The following CPS1 variants were observed in gnomAD, a reference collection of about 807,000 sequenced individuals.
The protein encoded by CPS1 is carbamoyl-phosphate synthase [ammonia], mitochondrial.
CPS1 carries 109 observed loss-of-function variants against 174.6 expected under a neutral mutation model. The observed-to-expected ratio is 0.62, with a 90% confidence interval of 0.53 to 0.73. The LOEUF (loss-of-function observed/expected upper bound fraction) is 0.73, where lower values mean the gene tolerates loss of function less well. Among genes scored for constraint, CPS1 ranks in the 30% least tolerant of loss-of-function variants. The pLI, the probability that CPS1 is intolerant of heterozygous loss-of-function variation, is 0.00. For missense variants in CPS1, 1,689 were observed against 1,821.9 expected, an observed-to-expected ratio of 0.93 and a Z score of 1.33; for synonymous variants, 637 against 632.0, an observed-to-expected ratio of 1.01 and a Z score of -0.12.
Position 210,536,569 on chromosome 2 carries a change from G to A in CPS1, c.4-20150G>A, listed in dbSNP as rs929622562. Among the ~76,000 whole-genome samples the A allele has an allele frequency of 2.6e-5, 4 of 151,910 alleles. No homozygotes were observed. In the East Asian group the frequency reaches 5.8e-4, roughly 22 times the overall value. ...CTACGATCTCCTAACCTCGTGATCC[G>A]CCCGCCTCGGCCTCCCAAAGTGCTG... On this transcript the variant is annotated intron_variant, in intron 1 of 38. Coordinates refer to the CPS1 transcript ENST00000430249.
intron 1 of CPS1, among the ~76,000 whole-genome samples, chr2:210,545,413 A>AT (rs1448055609): frequency 6.6e-6 from 1 of 151,840 alleles, no homozygotes; most frequent in East Asian, 2.0e-4. Context: ...GAGCCTTTAC[A>AT]TTTTTTCTCT....
Position 210,608,375 on chromosome 2 carries a change from T to C in CPS1, c.2207T>C (p.Phe736Ser), listed in dbSNP as rs1271178696. The change falls in exon 19 of 38, where the codon TTC becomes TCC. Residue 736 changes from phenylalanine to serine, a missense_variant. Transcript: ENST00000233072. Reference sequence around the variant, plus strand: ...TCTTTTTATAGCTACCCATTGGCATTCATTGCTGCAAAGATTGCCCTAGGA... The same window carrying C: ...TCTTTTTATAGCTACCCATTGGCATCCATTGCTGCAAAGATTGCCCTAGGA... ...ASKATGYPLA[F>S]IAAKIALGIP... 1.9e-6 allele frequency: 3 copies of C among 1,612,190 alleles called. No homozygotes were observed. The highest frequency in any genetic ancestry group is 1.7e-6 in the Non-Finnish European group (2 of 1,178,778).
At chr2:210,649,179 A>T (rs897949509) in intron 27 of CPS1, among the ~76,000 whole-genome samples, 22 of 152,250 alleles carry the variant, frequency 1.4e-4, no homozygotes, top group African/African-American at 5.3e-4. Flanking sequence ...ATGGAATTTG[A>T]GATGGGTTCC....
chr2:210,504,490 G>T (rs1337714094), intron 1 of CPS1, among the ~76,000 whole-genome samples: 1 of 152,164 alleles, frequency 6.6e-6, no homozygotes, highest in Non-Finnish European at 1.5e-5. Context: ...CCATTTTACA[G>T]ATGAAGAAAT....
chr2:210,676,285 G>A (rs1269652289), intron 36 of CPS1, among the ~76,000 whole-genome samples: 2 of 152,156 alleles, frequency 1.3e-5, no homozygotes, highest in African/African-American at 4.8e-5. Context: ...TACCTAATTG[G>A]TCATTCCTTG....
intron 21 of CPS1, among the ~76,000 whole-genome samples, chr2:210,620,933 C>G (rs894535316): frequency 3.3e-5 from 5 of 152,108 alleles, no homozygotes; most frequent in Admixed American, 3.3e-4. Flanking sequence ...CTTGCCCCCT[C>G]AGAACTCAGT....
Position 210,561,338 on chromosome 2 carries a change from A to C in CPS1, c.126+4479A>C, listed in dbSNP as rs892032714. On this transcript the variant is annotated intron_variant, in intron 1 of 37. Coordinates refer to ENST00000233072, the MANE Select transcript of CPS1 (RefSeq NM_001875.5). ...CCCAGCTTTGGGTCAGAAGCTAAGC[A>C]TTCTGGCTGTAGAACTGCCCAAGGG... is the stretch of plus-strand genomic sequence containing the variant. 7.2e-5 allele frequency among the ~76,000 whole-genome samples: 11 copies of C among 152,192 alleles called. 1 individual carries two copies. In the South Asian group the frequency reaches 1.9e-3, roughly 26 times the overall value.
In CPS1 at chr2:210,516,839, A is replaced by G. The variant is rs74612018; in HGVS notation, c.3+39073A>G. On this transcript the variant is annotated intron_variant, in intron 1 of 38. Coordinates refer to the CPS1 transcript ENST00000430249. ...CTTTTAAATGATAGACCCCAGCTATATAGTTAAGACTTCACTTTTTCTTTG... is the reference window on the plus strand; with the variant it reads ...CTTTTAAATGATAGACCCCAGCTATGTAGTTAAGACTTCACTTTTTCTTTG... Among the ~76,000 whole-genome samples the G allele has an allele frequency of 7.7e-3, 1,166 of 152,064 alleles. 10 individuals are homozygous for G. Among genetic ancestry groups the G allele is most frequent in the African/African-American group, 0.027 (1,103 of 41,530 alleles).
chr2:210,677,847 A>G (rs374968093), intron 37 of CPS1, 40 bp from the exon 38 acceptor site: 3 of 1,443,762 alleles, frequency 2.1e-6, no homozygotes, highest in East Asian at 2.3e-5. Context: ...ATTCACTTTT[A>G]TCTCATGGAG....
intron 24 of CPS1, among the ~76,000 whole-genome samples, chr2:210,641,391 G>A (rs969743289): frequency 1.3e-5 from 2 of 152,082 alleles, no homozygotes; most frequent in Non-Finnish European, 2.9e-5. Flanking sequence ...CTCCCAAAGT[G>A]CTGGTATTAC....
At chr2:210,503,329 C>T (rs1175401593) in intron 1 of CPS1, among the ~76,000 whole-genome samples, 2 of 152,170 alleles carry the variant, frequency 1.3e-5, no homozygotes, top group African/African-American at 2.4e-5. Flanking sequence ...TCCCAAAGCT[C>T]GAGGCCCAGA....
intron 31 of CPS1, 135 bp downstream of exon 31, chr2:210,658,823 G>A: frequency 1.4e-6 from 1 of 709,330 alleles, no homozygotes; most frequent in East Asian, 2.8e-5. Context: ...GTGTCTGAGT[G>A]TGGAATGATG....
chr2:210,493,281 G>C (rs1436546396), intron 1 of CPS1, among the ~76,000 whole-genome samples: 2 of 152,120 alleles, frequency 1.3e-5, no homozygotes, highest in African/African-American at 4.8e-5. Flanking sequence ...TTACAAATAG[G>C]AGAATAAATG....
At position 210,656,716 on chromosome 2, in the gene CPS1, A is replaced by G. The variant is rs1700720907; in HGVS notation, c.3666+84A>G. ...AGGTTTTTTTTTTTTTTTTAAAGCTAGGTAGCAATGTAAGATATGCTGCAG... is the reference window on the plus strand; with the variant it reads ...AGGTTTTTTTTTTTTTTTTAAAGCTGGGTAGCAATGTAAGATATGCTGCAG... On this transcript the variant is annotated intron_variant, in intron 30 of 37. Transcript: ENST00000233072. 3 of 938,394 alleles carry G rather than the reference A, an allele frequency of 3.2e-6. No individual in the cohort carries two copies. The East Asian group carries it at 7.6e-5, about 24-fold the overall frequency. The allele number at this position is 938,394 out of a possible 1,614,324, so 58.1% of individuals were successfully genotyped here.
intron 22 of CPS1, among the ~76,000 whole-genome samples, chr2:210,638,159 G>T (rs182688654): frequency 2.0e-5 from 3 of 152,334 alleles, no homozygotes; most frequent in Non-Finnish European, 4.4e-5. Flanking sequence ...TATGTAAGTA[G>T]TTAAGAAATC....
chr2:210,658,515 T>A (rs538747597), intron 30 of CPS1, 84 bp from the exon 31 acceptor site: 1 of 1,001,410 alleles, frequency 1.0e-6, no homozygotes, highest in East Asian at 2.5e-5. Context: ...GACATCCAAA[T>A]TTAAGGTACT....
intron 21 of CPS1, among the ~76,000 whole-genome samples, chr2:210,621,461 T>C (rs986323090): frequency 6.6e-6 from 1 of 152,178 alleles, no homozygotes; most frequent in Non-Finnish European, 1.5e-5. Context: ...TAGCTTTCAC[T>C]GCTAAGCTAT....
intron 1 of CPS1, among the ~76,000 whole-genome samples, chr2:210,562,516 G>A (rs1697136569): frequency 1.3e-5 from 2 of 152,120 alleles, no homozygotes; most frequent in Non-Finnish European, 2.9e-5. Flanking sequence ...AAAAGAATAA[G>A]ATTTCATTTA....
intron 1 of CPS1, among the ~76,000 whole-genome samples, chr2:210,479,018 G>T (rs572066789): frequency 2.5e-4 from 37 of 149,656 alleles, no homozygotes; most frequent in African/African-American, 8.8e-4. Context: ...TCCCTCCTTG[G>T]TTCTGATACA....
Sources: gnomAD v4.1 joint callset for allele counts (sites outside exome capture counted in the v4.1 genomes callset) on GRCh38, gnomAD v4.1.1 for gene constraint, MANE v1.5 for transcripts, NCBI Gene and HGNC (gene_info 2026-07-23, HGNC 2026-07-21) for gene names.